Variants in CCDC158 observed in about 807,000 individuals in gnomAD.
The protein encoded by CCDC158 is coiled-coil domain-containing protein 158.
Under a neutral mutation model 138.6 loss-of-function variants are expected in CCDC158, and 116 were observed. The observed-to-expected ratio is 0.84, with a 90% confidence interval of 0.72 to 0.98. CCDC158 has a LOEUF of 0.98. Among genes scored for constraint, CCDC158 ranks in the 50% least tolerant of loss-of-function variants. The pLI is 0.00. For missense variants in CCDC158, 1,265 were observed against 1,306.1 expected (o/e 0.97, Z 0.48); for synonymous variants, 436 against 442.4 (o/e 0.99, Z 0.18).
chr4:76,404,690 C>T (rs1728674098), intron 2 of CCDC158, among the ~76,000 whole-genome samples: 1 of 151,966 alleles, frequency 6.6e-6, no homozygotes, highest in African/African-American at 2.4e-5. Flanking sequence ...TGAAGAAAAT[C>T]AGGAAAGCCA....
At chr4:76,342,624 T>A (rs999944607) in intron 18 of CCDC158, among the ~76,000 whole-genome samples, 12 of 152,144 alleles carry the variant, frequency 7.9e-5, no homozygotes, top group African/African-American at 2.9e-4. Context: ...GCTTATAAAC[T>A]TGGCATTAAT....
intron 18 of CCDC158, among the ~76,000 whole-genome samples, chr4:76,339,173 C>T (rs1280498110): frequency 6.6e-6 from 1 of 151,834 alleles, no homozygotes; most frequent in Non-Finnish European, 1.5e-5. Context: ...AGAAAAAAAA[C>T]CATGAACATG....
rs1578992506 is a variant in CCDC158, at chr4:76,367,843, C to G, written c.1348-67G>C. ...TAGGTATAGGCAACCTCAAGAGATACAAGTTAACTTAAAAGCATGAAATCA... is the reference window on the plus strand; with the variant it reads ...TAGGTATAGGCAACCTCAAGAGATAGAAGTTAACTTAAAAGCATGAAATCA... On this transcript the variant is annotated intron_variant, in intron 11 of 24. Transcript: ENST00000682701. 3.6e-6 allele frequency: 5 copies of G among 1,398,772 alleles called. No homozygotes were observed. In the East Asian group the frequency reaches 1.2e-4, roughly 33 times the overall value. The allele number at this position is 1,398,772 out of a possible 1,614,324, so 86.6% of individuals were successfully genotyped here.
intron 9 of CCDC158, among the ~76,000 whole-genome samples, chr4:76,378,273 A>T (rs951694370): frequency 3.9e-5 from 6 of 152,212 alleles, no homozygotes; most frequent in Non-Finnish European, 7.3e-5. Context: ...GTGCTGCAAT[A>T]TATGGAGCTT....
chr4:76,317,975 C>T (rs996556345), intron 24 of CCDC158, among the ~76,000 whole-genome samples: 27 of 152,154 alleles, frequency 1.8e-4, no homozygotes, highest in African/African-American at 6.3e-4. Context: ...ACTAGTGACA[C>T]AATTTATCAT....
chr4:76,350,545 TTAAAC>T (rs565889222), intron 18 of CCDC158, among the ~76,000 whole-genome samples: 32 of 152,136 alleles, frequency 2.1e-4, no homozygotes, highest in Non-Finnish European at 3.5e-4. Flanking sequence ...ATATAAAAGA[TTAAAC>T]TAAAAAATTT....
intron 24 of CCDC158, among the ~76,000 whole-genome samples, chr4:76,321,005 C>G (rs1274197572): frequency 2.0e-5 from 3 of 152,078 alleles, no homozygotes; most frequent in African/African-American, 7.2e-5. Context: ...TATTTGCAAA[C>G]TGTGCATCTG....
intron 2 of CCDC158, among the ~76,000 whole-genome samples, chr4:76,407,736 C>T (rs1364459751): frequency 6.6e-6 from 1 of 152,172 alleles, no homozygotes; most frequent in Non-Finnish European, 1.5e-5. Context: ...TAGTAATTCA[C>T]TATCAAAGAC....
intron 4 of CCDC158, among the ~76,000 whole-genome samples, chr4:76,389,265 A>G (rs1206873809): frequency 1.3e-5 from 2 of 152,066 alleles, no homozygotes; most frequent in African/African-American, 2.4e-5. Context: ...CAAAGAGATT[A>G]AAATAATTAG....
chr4:76,335,374 A>G (rs1192836586), intron 18 of CCDC158, among the ~76,000 whole-genome samples: 2 of 152,144 alleles, frequency 1.3e-5, no homozygotes, highest in Non-Finnish European at 2.9e-5. Flanking sequence ...TATAACCTGG[A>G]CTTCTTATCT....
chr4:76,330,765 T>C (rs1473133391), intron 21 of CCDC158, among the ~76,000 whole-genome samples: 1 of 152,164 alleles, frequency 6.6e-6, no homozygotes, highest in Non-Finnish European at 1.5e-5. Flanking sequence ...GTGTAGGTCA[T>C]ATGCAAATAC....
chr4:76,320,249 C>T (rs923234193), intron 24 of CCDC158, among the ~76,000 whole-genome samples: 13 of 152,080 alleles, frequency 8.5e-5, no homozygotes, highest in Admixed American at 2.0e-4. Flanking sequence ...GATGAACAAT[C>T]GCTACAGGAA....
At chr4:76,343,866 G>C (rs1398056491) in intron 18 of CCDC158, among the ~76,000 whole-genome samples, 1 of 152,090 alleles carries the variant, frequency 6.6e-6, no homozygotes, top group Non-Finnish European at 1.5e-5. Context: ...AGAACGGAAA[G>C]CTACATAAAG....
intron 12 of CCDC158, among the ~76,000 whole-genome samples, chr4:76,363,451 ATGC>A (rs1225046884): frequency 6.6e-6 from 1 of 152,146 alleles, no homozygotes; most frequent in Non-Finnish European, 1.5e-5. Context: ...GTATGATTAT[ATGC>A]TGAGTCTGGC....
At chr4:76,393,747 T>A (rs28882431) in intron 4 of CCDC158, among the ~76,000 whole-genome samples, 4,470 of 152,088 alleles carry the variant, frequency 0.029, 219 homozygotes, top group African/African-American at 0.1. Flanking sequence ...AGGGATTAAT[T>A]ACCAGAATAT....
intron 13 of CCDC158, among the ~76,000 whole-genome samples, chr4:76,361,575 T>C (rs935924419): frequency 6.6e-6 from 1 of 151,976 alleles, no homozygotes; most frequent in African/African-American, 2.4e-5. Flanking sequence ...AATAAATAAA[T>C]AAAATAAATT....
intron 2 of CCDC158, among the ~76,000 whole-genome samples, chr4:76,411,585 C>G (rs553913364): frequency 6.6e-6 from 1 of 152,086 alleles, no homozygotes; most frequent in African/African-American, 2.4e-5. Context: ...TAATGTAATA[C>G]GGAATTAAGC....
chr4:76,376,714 A>G (rs1358341453), intron 9 of CCDC158, among the ~76,000 whole-genome samples: 3 of 152,314 alleles, frequency 2.0e-5, no homozygotes, highest in East Asian at 3.9e-4. Context: ...AGCTATATTT[A>G]CATGGCAGTC....
chr4:76,412,536 G>A (rs577663509), intron 1 of CCDC158, among the ~76,000 whole-genome samples: 4 of 152,214 alleles, frequency 2.6e-5, no homozygotes, highest in East Asian at 1.9e-4. Flanking sequence ...TGAGGTGGGC[G>A]CATCACTTGA....
Sources: allele counts gnomAD v4.1 joint callset (sites outside exome capture counted in the v4.1 genomes callset), GRCh38; gene constraint gnomAD v4.1.1; transcripts MANE v1.5; gene names NCBI Gene and HGNC (gene_info 2026-07-23, HGNC 2026-07-21).